ZNF385D: variants seen among roughly 807,000 people sequenced by gnomAD.
ZNF385D encodes the protein zinc finger protein 385D, also known as zinc finger protein 659.
ZNF385D carries 15 observed loss-of-function variants against 35.8 expected under a neutral mutation model. The ratio of observed to expected loss-of-function variants is 0.42; its 90% confidence interval spans 0.28 to 0.64. The LOEUF (loss-of-function observed/expected upper bound fraction) is 0.64, where lower values mean the gene tolerates loss of function less well. ZNF385D is among the 30% of genes least tolerant of loss of function. ZNF385D has a pLI of 0.23. For synonymous variants in ZNF385D, 212 were observed against 186.8 expected (o/e 1.13, Z -1.10); for missense variants, 474 against 494.6 (o/e 0.96, Z 0.39).
intron 2 of ZNF385D, among the ~76,000 whole-genome samples, chr3:22,253,921 A>G (rs1375634086): frequency 6.6e-6 from 1 of 152,006 alleles, no homozygotes; most frequent in Non-Finnish European, 1.5e-5. Context: ...CACTAGAAAA[A>G]AATAACATTA....
At chr3:21,507,599 G>A (rs926954648) in intron 4 of ZNF385D, among the ~76,000 whole-genome samples, 5 of 151,958 alleles carry the variant, frequency 3.3e-5, no homozygotes, top group African/African-American at 1.2e-4. Flanking sequence ...TACAAAATTA[G>A]CTCAGAGTCC....
intron 2 of ZNF385D, among the ~76,000 whole-genome samples, chr3:21,605,746 C>G (rs886984712): frequency 6.6e-6 from 1 of 152,128 alleles, no homozygotes; most frequent in Admixed American, 6.5e-5. Flanking sequence ...CTCATTTATT[C>G]ATCACTACCA....
intron 3 of ZNF385D, chr3:21,849,753 A>C (rs1413096799): frequency 6.6e-6 from 1 of 151,652 alleles, no homozygotes; most frequent in East Asian, 1.9e-4. Flanking sequence ...TTTTTTTCTA[A>C]TTGAATATTA....
chr3:22,271,388 A>C (rs535189801), intron 2 of ZNF385D, among the ~76,000 whole-genome samples: 1 of 152,164 alleles, frequency 6.6e-6, no homozygotes, highest in African/African-American at 2.4e-5. Flanking sequence ...GTCTAATACA[A>C]GATTTTTCTT....
At chr3:22,033,180 T>A (rs111609904) in intron 3 of ZNF385D, among the ~76,000 whole-genome samples, 1 of 152,010 alleles carries the variant, frequency 6.6e-6, no homozygotes, top group African/African-American at 2.4e-5. Context: ...GGCAGGTCGA[T>A]AGCTTGAGCT....
rs576644665 is a variant in ZNF385D at position 22,367,086 on chromosome 3, G to T, written c.106+5364C>A. On this transcript the variant is annotated intron_variant, in intron 2 of 5. Coordinates refer to the ZNF385D transcript ENST00000494108. ...TATTGTTTTAAGCCTCCAATTTATA[G>T]CAATCTTGGTACAGTAGCCATAGAA... Among the ~76,000 whole-genome samples the T allele has an allele frequency of 1.2e-4, 19 of 152,236 alleles. No homozygotes were observed. In the South Asian group the frequency reaches 2.5e-3, roughly 20 times the overall value.
chr3:22,113,921 A>G (rs1001377182), intron 3 of ZNF385D, among the ~76,000 whole-genome samples: 24 of 152,120 alleles, frequency 1.6e-4, no homozygotes, highest in Non-Finnish European at 2.8e-4. Flanking sequence ...CTAAATAAAA[A>G]TAATAGGGTA....
At chr3:22,139,772 A>T (rs1704383103) in intron 3 of ZNF385D, among the ~76,000 whole-genome samples, 1 of 152,114 alleles carries the variant, frequency 6.6e-6, no homozygotes, top group Non-Finnish European at 1.5e-5. Context: ...TAATAAAACA[A>T]AAAAAAGAAT....
chr3:21,787,337 T>C (rs2071731574), intron 3 of ZNF385D, among the ~76,000 whole-genome samples: 1 of 152,070 alleles, frequency 6.6e-6, no homozygotes, highest in Non-Finnish European at 1.5e-5. Context: ...GAAGACTCAC[T>C]AAGTGGGAAC....
At chr3:21,735,097 A>G (rs2069184335) in intron 1 of ZNF385D, among the ~76,000 whole-genome samples, 2 of 152,168 alleles carry the variant, frequency 1.3e-5, no homozygotes, top group South Asian at 4.1e-4. Context: ...GCAGAGATCT[A>G]CCCACATTCA....
intron 3 of ZNF385D, among the ~76,000 whole-genome samples, chr3:22,025,961 G>A: frequency 6.6e-6 from 1 of 151,882 alleles, no homozygotes; most frequent in Non-Finnish European, 1.5e-5. Flanking sequence ...GGGCCAAGTG[G>A]CAGCACCCAA....
intron 1 of ZNF385D, among the ~76,000 whole-genome samples, chr3:21,691,917 A>G (rs73138857): frequency 0.016 from 2,465 of 152,192 alleles, 70 homozygotes; most frequent in African/African-American, 0.056. Context: ...GGTAACCACT[A>G]TTCTACTTTG....
chr3:21,777,149 T>C (rs775288314), intron 3 of ZNF385D, among the ~76,000 whole-genome samples: 1 of 151,966 alleles, frequency 6.6e-6, no homozygotes, highest in African/African-American at 2.4e-5. Context: ...ATGTCCCCAG[T>C]AGGTTTTGAG....
At chr3:22,301,794 A>C (rs1702915075) in intron 2 of ZNF385D, among the ~76,000 whole-genome samples, 1 of 152,066 alleles carries the variant, frequency 6.6e-6, no homozygotes, top group Non-Finnish European at 1.5e-5. Flanking sequence ...TTATATAGAA[A>C]TACATGTTAT....
chr3:22,175,657 C>A (rs149123963), intron 2 of ZNF385D, among the ~76,000 whole-genome samples: 1 of 151,474 alleles, frequency 6.6e-6, no homozygotes, highest in Admixed American at 6.6e-5. Flanking sequence ...GAAAAAAATA[C>A]GTAGTAACTT....
At chr3:22,344,962 T>C (rs1308203875) in intron 2 of ZNF385D, among the ~76,000 whole-genome samples, 1 of 152,106 alleles carries the variant, frequency 6.6e-6, no homozygotes, top group African/African-American at 2.4e-5. Context: ...GGCCCAAAAT[T>C]TCTACTTTTT....
intron 2 of ZNF385D, among the ~76,000 whole-genome samples, chr3:22,172,794 T>C (rs990981387): frequency 5.3e-5 from 8 of 152,150 alleles, no homozygotes; most frequent in South Asian, 2.1e-4. Flanking sequence ...ATGAAGGAGA[T>C]AGATACCAAA....
At chr3:22,082,929 C>A (rs1481901213) in intron 3 of ZNF385D, among the ~76,000 whole-genome samples, 2 of 152,288 alleles carry the variant, frequency 1.3e-5, no homozygotes, top group East Asian at 3.9e-4. Flanking sequence ...GATACCCAGG[C>A]AAACAGGGTC....
chr3:22,285,346 G>A (rs2125387750), intron 2 of ZNF385D, among the ~76,000 whole-genome samples: 1 of 152,212 alleles, frequency 6.6e-6, no homozygotes. Context: ...GTTTGACTAA[G>A]TAGAAAGATT....
Sources: allele counts gnomAD v4.1 joint callset (sites outside exome capture counted in the v4.1 genomes callset), GRCh38; gene constraint gnomAD v4.1.1; transcripts MANE v1.5; gene names NCBI Gene and HGNC (gene_info 2026-07-23, HGNC 2026-07-21).